Variants in SEMA5B observed in about 807,000 individuals in gnomAD.
The protein encoded by SEMA5B is semaphorin-5B.
In SEMA5B, 66 loss-of-function variants were observed where a neutral mutation model predicts 135.0. That is an observed-to-expected ratio of 0.49 (90% CI 0.40 to 0.60). The LOEUF is 0.60. Ranked by LOEUF, SEMA5B falls within the 20% of genes least tolerant of loss-of-function variation. The pLI is 0.00. For missense variants in SEMA5B, 1,501 were observed against 1,566.3 expected, an observed-to-expected ratio of 0.96 and a Z score of 0.70; for synonymous variants, 690 against 639.5, an observed-to-expected ratio of 1.08 and a Z score of -1.19.
chr3:122,993,487 AATG>A (rs1941938380), intron 1 of SEMA5B, among the ~76,000 whole-genome samples: 1 of 152,188 alleles, frequency 6.6e-6, no homozygotes, highest in Non-Finnish European at 1.5e-5. Context: ...GCAGTGGTGT[AATG>A]CCCTGGCTTA....
chr3:122,918,383 A>G (rs1426645011), intron 12 of SEMA5B, among the ~76,000 whole-genome samples: 1 of 152,166 alleles, frequency 6.6e-6, no homozygotes, highest in Non-Finnish European at 1.5e-5. Flanking sequence ...CAAAACAAAA[A>G]GCCCACCAAC....
At position 122,913,842 on chromosome 3, in the gene SEMA5B, G is replaced by A; in HGVS notation, c.2132+16C>T. The stretch of plus-strand genomic sequence containing the variant: ...CGGTTAGTCTGGGACCTCAGAGCAA[G>A]CCTGTTCTCCCTCACCGTTCCTCCC... On this transcript the variant is annotated intron_variant, in intron 15 of 22. Coordinates refer to ENST00000357599, the MANE Select transcript of SEMA5B (RefSeq NM_001031702.4). The A allele has an allele frequency of 6.3e-7, 1 of 1,592,012 alleles. No individual in the cohort carries two copies. Among genetic ancestry groups the A allele is most frequent in the Non-Finnish European group, 8.6e-7 (1 of 1,168,152 alleles).
intron 1 of SEMA5B, among the ~76,000 whole-genome samples, chr3:123,000,274 G>C (rs1422322741): frequency 6.6e-6 from 1 of 152,178 alleles, no homozygotes. Flanking sequence ...GCAAGGGCAG[G>C]AGAGAGGAGC....
At position 122,912,907 on chromosome 3, in the gene SEMA5B, G is replaced by A. The variant is rs1200961266; in HGVS notation, c.2661C>T (p.Asn887=). The part of the protein sequence containing the change: ...KRTCTNPEPR[N]GGLPCVGDAA... ...CATCGCCCACGCAGGGCAGGCCCCC[G>A]TTGCGGGGCTCCGGGTTAGTGCACG... The change falls in exon 18 of 23, where the codon AAC becomes AAT. Residue 887 remains asparagine (N), a synonymous_variant. Transcript: ENST00000357599. 1.9e-5 allele frequency: 30 copies of A among 1,611,688 alleles called. No homozygotes were observed. Among genetic ancestry groups the A allele is most frequent in the African/African-American group, 2.7e-5 (2 of 74,748 alleles).
chr3:122,982,438 ATCT>A (rs1037287510), intron 1 of SEMA5B, among the ~76,000 whole-genome samples: 5 of 152,200 alleles, frequency 3.3e-5, no homozygotes, highest in South Asian at 2.1e-4. Flanking sequence ...AGGAAGGGAA[ATCT>A]TCTCTCTCTT....
Position 122,926,570 on chromosome 3 carries a change from G to A in SEMA5B, c.958C>T (p.Arg320Cys), listed in dbSNP as rs1380044749. The change falls in exon 9 of 23, where the codon CGC becomes TGC. Residue 320 changes from arginine (R) to cysteine (C), a missense_variant. Physicochemically the swap from Arg to Cys is radical, Grantham distance 180 (BLOSUM62 -3). Coordinates refer to ENST00000357599, the MANE Select transcript of SEMA5B (RefSeq NM_001031702.4). ...CCCCCCACGTCATTCTTGCACACGC[G>A]GGCCACGCGAGAGTACACGGTGCGT... ...CGRTVYSRVA[R>C]VCKNDVGGRF... is the part of the protein sequence containing the mutation. 3 of 1,614,066 alleles carry A rather than the reference G, an allele frequency of 1.9e-6. No individual in the cohort carries two copies. Among genetic ancestry groups the A allele is most frequent in the African/African-American group, 2.7e-5 (2 of 74,932 alleles).
chr3:122,987,586 C>A (rs920976033), intron 1 of SEMA5B, among the ~76,000 whole-genome samples: 3 of 152,180 alleles, frequency 2.0e-5, no homozygotes, highest in African/African-American at 7.2e-5. Flanking sequence ...ACTGAGGCAC[C>A]ACTCTCCCCA....
At chr3:122,943,284 T>G in intron 4 of SEMA5B, 152 bp downstream of exon 4, 1 of 578,256 alleles carries the variant, frequency 1.7e-6, no homozygotes. Flanking sequence ...CTTCCTCCTG[T>G]GGGGGGACAG....
At position 122,976,082 on chromosome 3, in the gene SEMA5B, C is replaced by A. The variant is rs983786229; in HGVS notation, c.-38-14781G>T. 3 of 1,535,156 alleles carry A rather than the reference C, an allele frequency of 2.0e-6. No individual in the cohort carries two copies. The South Asian group carries it at 3.6e-5, about 18-fold the overall frequency. On this transcript the variant is annotated intron_variant, in intron 1 of 22. Coordinates refer to ENST00000357599, the MANE Select transcript of SEMA5B (RefSeq NM_001031702.4). ...GCTCATCTATGAAGCTCCTTCTGACCCTCACGCAGCCAATGGCTTCCTCTG... is the reference window on the plus strand; with the variant it reads ...GCTCATCTATGAAGCTCCTTCTGACACTCACGCAGCCAATGGCTTCCTCTG...
Position 122,912,017 on chromosome 3 carries a change from C to A in SEMA5B, c.2949G>T (p.Gln983His). The change falls in exon 20 of 23, where the codon CAG (glutamine) becomes CAT (histidine). Residue 983 changes from glutamine to histidine, a missense_variant. Coordinates refer to ENST00000357599, the MANE Select transcript of SEMA5B (RefSeq NM_001031702.4). ...GCTCCTCACAGTGCCGGCTTCGGCT[C>A]TGGGCTCCGTCGTCAGTGCACTTAC... Reference protein sequence around the residue: ...EWSKCTDDGAQSRSRHCEELL... With the variant: ...EWSKCTDDGAHSRSRHCEELL... The A allele has an allele frequency of 1.2e-6, 2 of 1,613,840 alleles. No individual in the cohort carries two copies. The highest frequency in any genetic ancestry group is 1.7e-6 in the Non-Finnish European group (2 of 1,179,836).
intron 2 of SEMA5B, among the ~76,000 whole-genome samples, chr3:122,955,927 G>A (rs968844036): frequency 6.6e-5 from 10 of 152,214 alleles, no homozygotes; most frequent in Admixed American, 2.0e-4. Context: ...ATGAGAAAGC[G>A]GGGAGGAGGG....
chr3:122,912,197 T>C lies in SEMA5B; in HGVS notation c.2871A>G (p.Ala957=), dbSNP rs751201951. ...DICLGLHTEE[A]LCATQACPEG... is the part of the protein sequence containing the mutation. ...CTGGGCAGGCCTGTGTGGCACATAG[T>C]GCCTCCTCCGTGTGCAGCCCGAGAC... Residue 957 remains alanine (A), a synonymous_variant, in exon 19 of 23, where the codon GCA becomes GCG. Transcript: ENST00000357599. 2 of 1,598,868 alleles carry C rather than the reference T, an allele frequency of 1.3e-6. No homozygotes were observed. The highest frequency in any genetic ancestry group is 1.7e-6 in the Non-Finnish European group (2 of 1,170,644).
intron 2 of SEMA5B, among the ~76,000 whole-genome samples, chr3:122,956,844 G>GA (rs1237471502): frequency 6.6e-6 from 1 of 152,158 alleles, no homozygotes; most frequent in African/African-American, 2.4e-5. Flanking sequence ...CCCTAAAAGG[G>GA]AAAAAACGTC....
At chr3:122,937,641 C>T (rs890251080) in intron 5 of SEMA5B, among the ~76,000 whole-genome samples, 2 of 152,130 alleles carry the variant, frequency 1.3e-5, no homozygotes, top group Non-Finnish European at 2.9e-5. Flanking sequence ...GGAGCTGAGA[C>T]CCTGCTCCAA....
intron 12 of SEMA5B, 23 bp downstream of exon 12, chr3:122,921,892 G>A (rs1334308302): frequency 1.3e-6 from 2 of 1,520,380 alleles, no homozygotes; most frequent in African/African-American, 1.4e-5. Flanking sequence ...GGAGGCCTCG[G>A]GAGCCGCCCC....
At chr3:122,926,176 G>T (rs370917585) in intron 9 of SEMA5B, among the ~76,000 whole-genome samples, 7 of 152,206 alleles carry the variant, frequency 4.6e-5, no homozygotes, top group African/African-American at 1.7e-4. Context: ...GCCTAAGGCA[G>T]ATTTATTTGC....
At chr3:123,002,623 AG>A (rs1407846739) in intron 1 of SEMA5B, among the ~76,000 whole-genome samples, 16 of 152,242 alleles carry the variant, frequency 1.1e-4, no homozygotes, top group Admixed American at 3.3e-4. Flanking sequence ...CGTGGGAGGC[AG>A]GGGCAGTCCC....
chr3:122,961,245 G>T lies in SEMA5B; in HGVS notation c.19C>A (p.Pro7Thr). The change falls in exon 2 of 23, where the codon CCG becomes ACG. Residue 7 changes from proline (P) to threonine (T), a missense_variant. Pro to Thr is a conservative substitution (Grantham distance 38). This residue lies in a region of SEMA5B where 574 missense variants were observed against 684.7 expected (regional missense o/e 0.84). Transcript: ENST00000357599. MPCGFS[P>T]SPVAHHLVPG... is the part of the protein sequence containing the mutation. ...ACGAGGTGGTGGGCAACAGGAGACG[G>T]ACTGAAGCCACAGGGCATCCAAGAG... 1 of 1,614,088 alleles carries T rather than the reference G, an allele frequency of 6.2e-7. No individual in the cohort carries two copies.
At chr3:122,965,756 G>A (rs1357174286) in intron 1 of SEMA5B, among the ~76,000 whole-genome samples, 1 of 152,252 alleles carries the variant, frequency 6.6e-6, no homozygotes, top group Non-Finnish European at 1.5e-5. Context: ...AGATAAGTAA[G>A]TAACCACTTA....
Sources: gnomAD v4.1 joint callset for allele counts (sites outside exome capture counted in the v4.1 genomes callset) on GRCh38, gnomAD v4.1.1 for gene constraint, gnomAD v4.1.1 regional missense constraint, MANE v1.5 for transcripts, NCBI Gene and HGNC (gene_info 2026-07-23, HGNC 2026-07-21) for gene names.